Variants in ZNF385D observed in about 807,000 individuals in gnomAD.
The protein encoded by ZNF385D is zinc finger protein 659.
In ZNF385D, 15 loss-of-function variants were observed where a neutral mutation model predicts 35.8. The ratio of observed to expected loss-of-function variants is 0.42; its 90% CI spans 0.28 to 0.64. The LOEUF (loss-of-function observed/expected upper bound fraction) is 0.64, where lower values mean the gene tolerates loss of function less well. Among genes scored for constraint, ZNF385D ranks in the 30% least tolerant of loss-of-function variants. The pLI, the probability that ZNF385D is intolerant of heterozygous loss-of-function variation, is 0.23. For synonymous variants in ZNF385D, 212 were observed against 186.8 expected, an observed-to-expected ratio of 1.13 and a Z score of -1.10; for missense variants, 474 against 494.6, an observed-to-expected ratio of 0.96 and a Z score of 0.39.
rs574484331 is a variant in ZNF385D, at chr3:21,991,674, G to C, written c.325+177143C>G. On this transcript the variant is annotated intron_variant, in intron 3 of 5. Coordinates refer to the ZNF385D transcript ENST00000494108. ...TCAACAGTAAATACTTGTCCTAAGA[G>C]CCTAGGAGGTAAAGGGCAGCTGCAG... Among the ~76,000 whole-genome samples, 9 of 152,258 alleles carry C rather than the reference G, an allele frequency of 5.9e-5. No individual in the cohort carries two copies. In the East Asian group the frequency reaches 1.7e-3, roughly 29 times the overall value.
chr3:22,038,837 G>A (rs1698491278), intron 3 of ZNF385D, among the ~76,000 whole-genome samples: 1 of 150,746 alleles, frequency 6.6e-6, no homozygotes, highest in Non-Finnish European at 1.5e-5. Flanking sequence ...TGATGAACAT[G>A]GTCATTATTG....
At chr3:22,220,151 C>A (rs1045362572) in intron 2 of ZNF385D, among the ~76,000 whole-genome samples, 2 of 151,608 alleles carry the variant, frequency 1.3e-5, no homozygotes, top group South Asian at 4.2e-4. Context: ...GTAGCCTCAA[C>A]CTCCTGGGAT....
chr3:22,010,063 A>T (rs7613877), intron 3 of ZNF385D, among the ~76,000 whole-genome samples: 7,241 of 152,212 alleles, frequency 0.048, 576 homozygotes, highest in African/African-American at 0.16. Flanking sequence ...AATTAAGCTA[A>T]TCATCTGCCT....
Position 21,783,858 on chromosome 3 carries a change from C to A in ZNF385D, c.326-118830G>T, listed in dbSNP as rs546815033. ...AAACATTAAACAGCTCACAATATAG[C>A]GAGGGAAAGTCAAGCGTTTCCTAAA... is the stretch of plus-strand genomic sequence containing the variant. On this transcript the variant is annotated intron_variant, in intron 3 of 5. Transcript: ENST00000494108. Among the ~76,000 whole-genome samples the A allele has an allele frequency of 3.3e-5, 5 of 152,258 alleles. No individual in the cohort carries two copies. In the South Asian group the frequency reaches 1.0e-3, roughly 32 times the overall value.
chr3:21,475,490 G>GT (rs1186965488), intron 4 of ZNF385D, among the ~76,000 whole-genome samples: 3 of 152,034 alleles, frequency 2.0e-5, no homozygotes, highest in Non-Finnish European at 2.9e-5. Context: ...ATTTTTCAAA[G>GT]TTACTAAAAC....
At chr3:21,842,484 G>A (rs1695742103) in intron 3 of ZNF385D, among the ~76,000 whole-genome samples, 1 of 151,970 alleles carries the variant, frequency 6.6e-6, no homozygotes, top group Admixed American at 6.6e-5. Context: ...TGGTAATCAT[G>A]AAAGATGACT....
intron 2 of ZNF385D, among the ~76,000 whole-genome samples, chr3:22,275,377 T>G (rs1377094225): frequency 6.6e-6 from 1 of 152,132 alleles, no homozygotes; most frequent in African/African-American, 2.4e-5. Flanking sequence ...TTGAGAACAG[T>G]TGATTGCTGT....
chr3:21,559,102 G>A (rs1218690961), intron 3 of ZNF385D, among the ~76,000 whole-genome samples: 1 of 151,328 alleles, frequency 6.6e-6, no homozygotes, highest in Non-Finnish European at 1.5e-5. Flanking sequence ...CACACTGATG[G>A]TTCTTGACAC....
chr3:21,444,787 T>G (rs1702060131), intron 4 of ZNF385D, among the ~76,000 whole-genome samples: 1 of 144,784 alleles, frequency 6.9e-6, no homozygotes, highest in Non-Finnish European at 1.5e-5. Context: ...AATGCTTTTA[T>G]TTTGTAGGAT....
At chr3:21,951,255 C>G (rs1401631680) in intron 3 of ZNF385D, among the ~76,000 whole-genome samples, 3 of 151,608 alleles carry the variant, frequency 2.0e-5, no homozygotes, top group Non-Finnish European at 2.9e-5. Flanking sequence ...TTGAAGAGGT[C>G]CTTCACATCC....
chr3:22,113,407 T>A (rs1702641400), intron 3 of ZNF385D, among the ~76,000 whole-genome samples: 1 of 152,108 alleles, frequency 6.6e-6, no homozygotes, highest in African/African-American at 2.4e-5. Flanking sequence ...AATCGTTCAT[T>A]TTTTCTTATT....
chr3:22,125,982 T>C (rs1489630997), intron 3 of ZNF385D, among the ~76,000 whole-genome samples: 3 of 151,826 alleles, frequency 2.0e-5, no homozygotes, highest in East Asian at 1.9e-4. Flanking sequence ...GGCATCCTTG[T>C]TGTGTTCCAG....
At chr3:21,562,265 T>C (rs1397800778) in intron 3 of ZNF385D, among the ~76,000 whole-genome samples, 1 of 152,176 alleles carries the variant, frequency 6.6e-6, no homozygotes, top group Non-Finnish European at 1.5e-5. Flanking sequence ...TGTTATGTCA[T>C]ATCAATTTAT....
chr3:21,881,365 G>T (rs1698267554), intron 3 of ZNF385D, among the ~76,000 whole-genome samples: 1 of 151,962 alleles, frequency 6.6e-6, no homozygotes, highest in African/African-American at 2.4e-5. Context: ...ATGCCCTTAA[G>T]AATGATGCTA....
At chr3:21,573,837 A>G (rs1273803480) in intron 2 of ZNF385D, among the ~76,000 whole-genome samples, 5 of 152,126 alleles carry the variant, frequency 3.3e-5, no homozygotes, top group Non-Finnish European at 7.3e-5. Context: ...AGGAGGGTGG[A>G]TCACCTGAGG....
rs56714734 is a variant in ZNF385D, at chr3:21,949,557, T to TC, written c.325+219259_325+219260insG. On this transcript the variant is annotated intron_variant, in intron 3 of 5. Transcript: ENST00000494108. ...TCTTTCCTTCTTTTCTTTCTTTCTT[T>TC]TTTTTTTTTTTTTAATACTTTTAAG... 1.4e-4 allele frequency among the ~76,000 whole-genome samples: 20 copies of TC among 141,000 alleles called. 1 individual carries two copies. Among genetic ancestry groups the TC allele is most frequent in the Middle Eastern group, 3.8e-3 (1 of 266 alleles). 92.5% of individuals were successfully genotyped at this position (141,000 alleles called of 152,430 possible).
intron 2 of ZNF385D, among the ~76,000 whole-genome samples, chr3:22,349,130 A>G (rs1695799772): frequency 6.6e-6 from 1 of 152,208 alleles, no homozygotes; most frequent in Non-Finnish European, 1.5e-5. Flanking sequence ...TCAAGGGTAA[A>G]AATCCCAATA....
intron 2 of ZNF385D, among the ~76,000 whole-genome samples, chr3:21,596,327 T>C (rs566199595): frequency 2.6e-5 from 4 of 152,288 alleles, no homozygotes; most frequent in Admixed American, 6.5e-5. Context: ...AACCACACTA[T>C]TCAGTTCACA....
intron 3 of ZNF385D, among the ~76,000 whole-genome samples, chr3:22,023,831 G>A (rs1472133045): frequency 1.3e-5 from 2 of 152,114 alleles, no homozygotes; most frequent in African/African-American, 4.8e-5. Context: ...CCCTGTACCT[G>A]GTACAGGGCT....
Sources: allele counts gnomAD v4.1 joint callset (sites outside exome capture counted in the v4.1 genomes callset), GRCh38; gene constraint gnomAD v4.1.1; transcripts MANE v1.5; gene names NCBI Gene and HGNC (gene_info 2026-07-23, HGNC 2026-07-21).